The following MAGI2 variants were observed in gnomAD, a reference collection of about 807,000 sequenced individuals.
The protein encoded by MAGI2 is membrane-associated guanylate kinase, WW and PDZ domain-containing protein 2.
A neutral mutation model predicts 133.3 loss-of-function variants in MAGI2; 35 were observed. The ratio of observed to expected loss-of-function variants is 0.26; its 90% confidence interval spans 0.20 to 0.35. The LOEUF (loss-of-function observed/expected upper bound fraction) is 0.35, where lower values mean the gene tolerates loss of function less well. MAGI2 is among the 10% of genes least tolerant of loss of function. The pLI, the probability that MAGI2 is intolerant of heterozygous loss-of-function variation, is 1.00. For synonymous variants in MAGI2, 729 were observed against 710.6 expected, an observed-to-expected ratio of 1.03 and a Z score of -0.41; for missense variants, 1,636 against 1,863.4, an observed-to-expected ratio of 0.88 and a Z score of 2.25.
chr7:78,678,915 T>G (rs1270627495), intron 2 of MAGI2, among the ~76,000 whole-genome samples: 1 of 152,152 alleles, frequency 6.6e-6, no homozygotes, highest in Non-Finnish European at 1.5e-5. Context: ...ATTATTCCAC[T>G]TTCAAAAAAG....
At chr7:79,353,517 C>T in intron 1 of MAGI2, 2 of 455,114 alleles carry the variant, frequency 4.4e-6, no homozygotes, top group South Asian at 3.1e-5. Flanking sequence ...GCTTTGGAAT[C>T]ATCTCCTGCA....
At chr7:79,038,747 G>A (rs999918316) in intron 1 of MAGI2, among the ~76,000 whole-genome samples, 1 of 152,030 alleles carries the variant, frequency 6.6e-6, no homozygotes, top group Non-Finnish European at 1.5e-5. Flanking sequence ...GTTGTTCAAG[G>A]CTTTTTGCTT....
chr7:78,427,095 C>T (rs1472808543), intron 6 of MAGI2, among the ~76,000 whole-genome samples: 1 of 151,696 alleles, frequency 6.6e-6, no homozygotes, highest in Non-Finnish European at 1.5e-5. Flanking sequence ...AGAGTAACCA[C>T]TAAAAACAAA....
chr7:78,915,109 G>A (rs1034777153), intron 2 of MAGI2, among the ~76,000 whole-genome samples: 4 of 152,214 alleles, frequency 2.6e-5, no homozygotes, highest in Non-Finnish European at 4.4e-5. Context: ...CACCTGAATA[G>A]AGCTTTATAT....
chr7:79,138,106 G>A (rs1350909413), intron 1 of MAGI2, among the ~76,000 whole-genome samples: 1 of 152,156 alleles, frequency 6.6e-6, no homozygotes, highest in Non-Finnish European at 1.5e-5. Flanking sequence ...AAAGAATGCA[G>A]CTCTGCTGAC....
chr7:79,301,162 A>G lies in MAGI2; in HGVS notation c.301+151858T>C, dbSNP rs182491295. Among the ~76,000 whole-genome samples, 631 of 152,336 alleles carry G rather than the reference A, an allele frequency of 4.1e-3. 1 individual carries two copies. The highest frequency in any genetic ancestry group is 5.3e-3 in the Non-Finnish European group (359 of 68,026). ...ATGTGGATTTGGAGCCCCCACACAG[A>G]GTTCCTATTTAGGCACTGCCAAGTG... On this transcript the variant is annotated intron_variant, in intron 1 of 21. Transcript: ENST00000354212.
At chr7:78,908,343 C>T (rs1250507013) in intron 2 of MAGI2, among the ~76,000 whole-genome samples, 2 of 152,208 alleles carry the variant, frequency 1.3e-5, no homozygotes, top group African/African-American at 4.8e-5. Flanking sequence ...TTTGGCATTT[C>T]ATGGAATTGT....
At position 78,635,582 on chromosome 7, in the gene MAGI2, T is replaced by G. The variant is rs1009256888; in HGVS notation, c.419-8343A>C. 1.3e-5 allele frequency among the ~76,000 whole-genome samples: 2 copies of G among 152,250 alleles called. 1 individual carries two copies. The highest frequency in any genetic ancestry group is 4.1e-4 in the South Asian group (2 of 4,830). Reference sequence around the variant, plus strand: ...TATTCTAAGCAGATGGGTCATTGTGTGAGAATGTGAGAAAATGAATTCTGT... The same window carrying G: ...TATTCTAAGCAGATGGGTCATTGTGGGAGAATGTGAGAAAATGAATTCTGT... On this transcript the variant is annotated intron_variant, in intron 2 of 21. Coordinates refer to ENST00000354212, the MANE Select transcript of MAGI2 (RefSeq NM_012301.4).
intron 6 of MAGI2, among the ~76,000 whole-genome samples, chr7:78,468,597 TA>T (rs1389788042): frequency 2.0e-5 from 3 of 152,154 alleles, no homozygotes; most frequent in African/African-American, 7.2e-5. Context: ...ATTAGAATAT[TA>T]TTTTTTTAAA....
chr7:79,131,337 CACTT>C (rs1453054842), intron 1 of MAGI2, among the ~76,000 whole-genome samples: 1 of 152,154 alleles, frequency 6.6e-6, no homozygotes, highest in Non-Finnish European at 1.5e-5. Flanking sequence ...ATACTGTAAA[CACTT>C]ACTACTGCTC....
At chr7:79,370,578 A>G (rs1262472366) in intron 1 of MAGI2, among the ~76,000 whole-genome samples, 2 of 152,148 alleles carry the variant, frequency 1.3e-5, no homozygotes, top group Non-Finnish European at 2.9e-5. Flanking sequence ...AATATTGGAA[A>G]CAATGGGCCA....
chr7:78,273,305 G>A (rs1465212944), intron 9 of MAGI2, among the ~76,000 whole-genome samples: 4 of 152,230 alleles, frequency 2.6e-5, no homozygotes, highest in Non-Finnish European at 5.9e-5. Flanking sequence ...AGGGAGATCT[G>A]CTGTTAGTCT....
At chr7:78,163,716 C>CT (rs984008717) in intron 15 of MAGI2, among the ~76,000 whole-genome samples, 53 of 151,956 alleles carry the variant, frequency 3.5e-4, no homozygotes, top group Admixed American at 2.1e-3. Flanking sequence ...ATCATCCTGG[C>CT]TAACATGGTG....
At chr7:79,028,251 A>C (rs866530307) in intron 1 of MAGI2, among the ~76,000 whole-genome samples, 18 of 24,464 alleles carry the variant, frequency 7.4e-4, no homozygotes, top group African/African-American at 1.6e-3. Context: ...ATATATATAT[A>C]TATATATATA....
At chr7:78,733,910 T>C (rs28472587) in intron 2 of MAGI2, among the ~76,000 whole-genome samples, 2,565 of 152,314 alleles carry the variant, frequency 0.017, 58 homozygotes, top group African/African-American at 0.059. Flanking sequence ...AATGGTCACA[T>C]ATCTGAAAAC....
chr7:78,436,884 G>A (rs1470293469), intron 6 of MAGI2, among the ~76,000 whole-genome samples: 1 of 152,220 alleles, frequency 6.6e-6, no homozygotes, highest in East Asian at 1.9e-4. Context: ...GGCCTGGGTA[G>A]TTAGGCTGGT....
At chr7:79,304,181 A>G (rs900845013) in intron 1 of MAGI2, among the ~76,000 whole-genome samples, 6 of 142,236 alleles carry the variant, frequency 4.2e-5, no homozygotes, top group East Asian at 2.1e-4. Flanking sequence ...TTCAACTGGG[A>G]TGTGTGTGTG....
rs187929889 is a variant in MAGI2 at position 78,124,079 on chromosome 7, C to T, written c.3567+1615G>A. ...AAAATACATGGCCACTGTTTGTAAC[C>T]GACAGAGACCAGCCCTGTAGTCCAC... On this transcript the variant is annotated intron_variant, in intron 20 of 21. Coordinates refer to ENST00000354212, the MANE Select transcript of MAGI2 (RefSeq NM_012301.4). Among the ~76,000 whole-genome samples, 9 of 152,284 alleles carry T rather than the reference C, an allele frequency of 5.9e-5. No homozygotes were observed. The East Asian group carries it at 7.7e-4, about 13-fold the overall frequency.
chr7:78,235,140 A>G (rs1301858158), intron 10 of MAGI2, among the ~76,000 whole-genome samples: 4 of 152,198 alleles, frequency 2.6e-5, no homozygotes, highest in Non-Finnish European at 2.9e-5. Context: ...CTGATTGAAC[A>G]TATTTTACAT....
Sources: gnomAD v4.1 joint callset for allele counts (sites outside exome capture counted in the v4.1 genomes callset) on GRCh38, gnomAD v4.1.1 for gene constraint, MANE v1.5 for transcripts, NCBI Gene and HGNC (gene_info 2026-07-23, HGNC 2026-07-21) for gene names.